UHRF2: variants seen among roughly 807,000 people sequenced by gnomAD.
The protein encoded by UHRF2 is ubiquitin like with PHD and ring finger domains 2.
Under a neutral mutation model 96.8 loss-of-function variants are expected in UHRF2, and 23 were observed. The observed-to-expected ratio is 0.24, with a 90% CI of 0.17 to 0.34. The LOEUF (loss-of-function observed/expected upper bound fraction) is 0.34, where lower values mean the gene tolerates loss of function less well. Ranked by LOEUF, UHRF2 falls within the 10% of genes least tolerant of loss-of-function variation. UHRF2 has a pLI of 1.00. For synonymous variants in UHRF2, 385 were observed against 332.6 expected, an observed-to-expected ratio of 1.16 and a Z score of -1.72; for missense variants, 685 against 981.5, an observed-to-expected ratio of 0.70 and a Z score of 4.04.
At chr9:6,467,595 G>GTTTTTTTTTTTTTTTTT (rs34366483) in intron 4 of UHRF2, among the ~76,000 whole-genome samples, 2 of 99,170 alleles carry the variant, frequency 2.0e-5, no homozygotes, top group Non-Finnish European at 1.9e-5. Flanking sequence ...CGAGAGAATA[G>GTTTTTTTTTTTTTTTTT]TTTTTTTTTT....
At chr9:6,446,538 C>T (rs558247475) in intron 3 of UHRF2, among the ~76,000 whole-genome samples, 3 of 152,124 alleles carry the variant, frequency 2.0e-5, no homozygotes, top group East Asian at 2.0e-4. Context: ...GCCTCAGCCC[C>T]GGTCTACATA....
chr9:6,453,100 G>A (rs1351193526), intron 3 of UHRF2, among the ~76,000 whole-genome samples: 2 of 152,058 alleles, frequency 1.3e-5, no homozygotes, highest in African/African-American at 4.8e-5. Context: ...ATGTGTATGA[G>A]TACAGATAGA....
intron 5 of UHRF2, among the ~76,000 whole-genome samples, chr9:6,477,393 G>T (rs1294161454): frequency 6.6e-6 from 1 of 151,938 alleles, no homozygotes; most frequent in Non-Finnish European, 1.5e-5. Flanking sequence ...AGGCGTGGTG[G>T]CACATGCCTG....
At chr9:6,501,775 T>G (rs749905824) in intron 14 of UHRF2, among the ~76,000 whole-genome samples, 1 of 152,198 alleles carries the variant, frequency 6.6e-6, no homozygotes, top group Non-Finnish European at 1.5e-5. Context: ...TCACACTCAT[T>G]TTCACTTATA....
chr9:6,413,806 C>T (rs1563734016), intron 1 of UHRF2, 163 bp downstream of exon 1: 7 of 903,498 alleles, frequency 7.7e-6, no homozygotes, highest in Non-Finnish European at 9.0e-6. Context: ...GGCCCAGTCC[C>T]GCCGAATGGT....
intron 3 of UHRF2, among the ~76,000 whole-genome samples, chr9:6,446,788 T>C (rs367657466): frequency 6.6e-5 from 10 of 151,980 alleles, no homozygotes; most frequent in Middle Eastern, 6.8e-3. Flanking sequence ...GGGATTACAG[T>C]GAGCTGAAAT....
chr9:6,472,163 G>T (rs1487761587), intron 4 of UHRF2, among the ~76,000 whole-genome samples: 1 of 152,120 alleles, frequency 6.6e-6, no homozygotes, highest in Non-Finnish European at 1.5e-5. Context: ...ATTGGTCCCA[G>T]ACCACCACTG....
At chr9:6,451,466 G>GTTT (rs34757017) in intron 3 of UHRF2, among the ~76,000 whole-genome samples, 3 of 141,852 alleles carry the variant, frequency 2.1e-5, no homozygotes, top group Non-Finnish European at 1.6e-5. Flanking sequence ...GTTTTTTTTT[G>GTTT]TTTTTTTTTT....
At chr9:6,429,006 A>C (rs1002280673) in intron 2 of UHRF2, among the ~76,000 whole-genome samples, 26 of 152,172 alleles carry the variant, frequency 1.7e-4, no homozygotes, top group African/African-American at 6.0e-4. Flanking sequence ...CTCTGCTAAA[A>C]ATATAAAAGG....
chr9:6,434,354 T>G (rs1439036127), intron 3 of UHRF2, 181 bp downstream of exon 3: 1 of 640,670 alleles, frequency 1.6e-6, no homozygotes, highest in African/African-American at 1.8e-5. Flanking sequence ...CTCTCGATTA[T>G]CTCTGGTTCT....
intron 2 of UHRF2, among the ~76,000 whole-genome samples, chr9:6,432,218 A>G (rs1363030538): frequency 6.6e-6 from 1 of 152,142 alleles, no homozygotes; most frequent in Non-Finnish European, 1.5e-5. Context: ...CTTGTGTAAT[A>G]TTAAACTTTA....
chr9:6,435,933 A>G (rs747239490), intron 3 of UHRF2, among the ~76,000 whole-genome samples: 1 of 152,192 alleles, frequency 6.6e-6, no homozygotes, highest in Non-Finnish European at 1.5e-5. Flanking sequence ...AACTGTTAGG[A>G]TGGAAGTGGT....
At chr9:6,439,942 TGTAAA>T (rs1821065712) in intron 3 of UHRF2, among the ~76,000 whole-genome samples, 1 of 152,132 alleles carries the variant, frequency 6.6e-6, no homozygotes, top group South Asian at 2.1e-4. Context: ...AAGTGGTTAA[TGTAAA>T]AGAAAAAAGG....
intron 10 of UHRF2, chr9:6,495,309 T>C (rs1347963761): frequency 6.6e-6 from 1 of 152,168 alleles, no homozygotes; most frequent in Non-Finnish European, 1.5e-5. Flanking sequence ...GAAAATGAAA[T>C]ATCAACTGAA....
chr9:6,460,548 G>T, intron 3 of UHRF2, 25 bp from the exon 4 acceptor site: 3 of 1,565,466 alleles, frequency 1.9e-6, no homozygotes, highest in Non-Finnish European at 2.6e-6. Context: ...GTAATCATAA[G>T]CCATATGGTT....
intron 9 of UHRF2, among the ~76,000 whole-genome samples, chr9:6,489,908 C>T (rs1824558363): frequency 6.6e-6 from 1 of 152,002 alleles, no homozygotes; most frequent in South Asian, 2.1e-4. Flanking sequence ...TTTGGCAGTG[C>T]ATTTACATTA....
intron 6 of UHRF2, 115 bp from the exon 7 acceptor site, chr9:6,481,528 A>G: frequency 8.1e-7 from 1 of 1,236,428 alleles, no homozygotes; most frequent in Non-Finnish European, 1.1e-6. Flanking sequence ...AAGCTCTGTA[A>G]TGTATACCAA....
chr9:6,447,822 G>A (rs933476607), intron 3 of UHRF2, among the ~76,000 whole-genome samples: 2 of 152,148 alleles, frequency 1.3e-5, no homozygotes, highest in African/African-American at 2.4e-5. Context: ...ACCTATGTAC[G>A]AGAAGCCAAC....
intron 3 of UHRF2, among the ~76,000 whole-genome samples, chr9:6,455,385 G>T (rs949409968): frequency 6.6e-6 from 1 of 152,248 alleles, no homozygotes; most frequent in East Asian, 1.9e-4. Flanking sequence ...GAGAGCATGC[G>T]GTGTTTGGTT....
Sources: allele counts gnomAD v4.1 joint callset (sites outside exome capture counted in the v4.1 genomes callset), GRCh38; gene constraint gnomAD v4.1.1; transcripts MANE v1.5; gene names NCBI Gene and HGNC (gene_info 2026-07-23, HGNC 2026-07-21).